RAD51AP1: variants seen among roughly 807,000 people sequenced by gnomAD.
RAD51AP1 encodes the protein RAD51-associated protein 1.
A neutral mutation model predicts 34.3 loss-of-function variants in RAD51AP1; 14 were observed. The observed-to-expected ratio is 0.41, with a 90% CI of 0.27 to 0.64. The LOEUF (loss-of-function observed/expected upper bound fraction) is 0.64, where lower values mean the gene tolerates loss of function less well. Ranked by LOEUF, RAD51AP1 falls within the 30% of genes least tolerant of loss-of-function variation. The pLI, the probability that RAD51AP1 is intolerant of heterozygous loss-of-function variation, is 0.33. For synonymous variants in RAD51AP1, 114 were observed against 129.8 expected (o/e 0.88, Z 0.83); for missense variants, 348 against 386.9 (o/e 0.90, Z 0.84).
At chr12:4,542,129 T>C (rs1049015273) in intron 2 of RAD51AP1, among the ~76,000 whole-genome samples, 196 bp downstream of exon 2, 20 of 152,212 alleles carry the variant, frequency 1.3e-4, no homozygotes, top group African/African-American at 4.1e-4. Flanking sequence ...AGGTGATAAA[T>C]GAACAGGCCA....
intron 6 of RAD51AP1, 131 bp downstream of exon 6, chr12:4,548,967 T>G (rs1295266816): frequency 2.2e-6 from 2 of 916,708 alleles, no homozygotes; most frequent in Non-Finnish European, 3.2e-6. Context: ...ACAGAACAGT[T>G]CAATTCAGTG....
At chr12:4,544,472 A>G (rs1212860083) in intron 3 of RAD51AP1, among the ~76,000 whole-genome samples, 2 of 152,180 alleles carry the variant, frequency 1.3e-5, no homozygotes, top group East Asian at 3.8e-4. Flanking sequence ...GATGGGCGGA[A>G]GGGGAATATT....
rs750656319 is a variant in RAD51AP1 at position 4,556,555 on chromosome 12, A to T, written c.871+53A>T. The T allele has an allele frequency of 2.4e-5, 38 of 1,579,922 alleles. No individual in the cohort carries two copies. The Admixed American group carries it at 7.0e-4, about 29-fold the overall frequency. The stretch of plus-strand genomic sequence containing the variant: ...GAGCTTGGAAAATTATCACTGGTAA[A>T]TTTTTTTCCTAGTTACAAACATCAT... On this transcript the variant is annotated intron_variant, in intron 8 of 8. Transcript: ENST00000352618.
chr12:4,546,894 G>A (rs1591771886), intron 4 of RAD51AP1, among the ~76,000 whole-genome samples: 1 of 152,158 alleles, frequency 6.6e-6, no homozygotes, highest in East Asian at 1.9e-4. Flanking sequence ...TGATTTTTCT[G>A]GCAATATATT....
At chr12:4,541,246 A>C (rs1944464442) in intron 1 of RAD51AP1, among the ~76,000 whole-genome samples, 1 of 152,216 alleles carries the variant, frequency 6.6e-6, no homozygotes, top group Non-Finnish European at 1.5e-5. Context: ...ATATTCCAAA[A>C]TCTGAAAAAA....
At chr12:4,557,518 A>C (rs951866323) in intron 8 of RAD51AP1, among the ~76,000 whole-genome samples, 6 of 152,222 alleles carry the variant, frequency 3.9e-5, no homozygotes, top group African/African-American at 1.4e-4. Flanking sequence ...GGAGAAGGAA[A>C]GGAGGGAAGA....
At chr12:4,553,761 T>C (rs1944563612) in intron 7 of RAD51AP1, among the ~76,000 whole-genome samples, 1 of 152,166 alleles carries the variant, frequency 6.6e-6, no homozygotes, top group African/African-American at 2.4e-5. Context: ...AGTTAGGATA[T>C]TTTTGAGTTC....
Position 4,542,572 on chromosome 12 carries a change from C to CT in RAD51AP1, c.67+654dup, listed in dbSNP as rs34064065. Among the ~76,000 whole-genome samples the CT allele has an allele frequency of 3.0e-3, 420 of 139,876 alleles. 4 individuals are homozygous for CT. Among genetic ancestry groups the CT allele is most frequent in the Middle Eastern group, 7.5e-3 (2 of 266 alleles). The allele number at this position is 139,876 out of a possible 152,430, so 91.8% of individuals were successfully genotyped here. On this transcript the variant is annotated intron_variant, in intron 2 of 8. Transcript: ENST00000352618. ...AAAGAGTGTAGAGTATAACATCTAG[C>CT]TTTTTTTTTTTTTTTGTCATCAGTC... is the stretch of plus-strand genomic sequence containing the variant.
At position 4,548,172 on chromosome 12, in the gene RAD51AP1, T is replaced by G. The variant is rs967155732; in HGVS notation, c.400T>G (p.Tyr134Asp). ...HISNCSVASD[Y>D]LDLDKITVED... ...CTCTAATTGCAGTGTAGCCAGTGATTATTTAGGTAAGTTTTTTATATTAAT... is the reference window on the plus strand; with the variant it reads ...CTCTAATTGCAGTGTAGCCAGTGATGATTTAGGTAAGTTTTTTATATTAAT... Residue 134 changes from tyrosine to aspartate, a missense_variant, in exon 5 of 9, where the codon TAT becomes GAT. Transcript: ENST00000352618. 1.3e-6 allele frequency: 2 copies of G among 1,594,002 alleles called. No individual in the cohort carries two copies. The highest frequency in any genetic ancestry group is 2.7e-5 in the African/African-American group (2 of 73,466).
intron 1 of RAD51AP1, among the ~76,000 whole-genome samples, chr12:4,540,807 A>G (rs997047233): frequency 5.9e-5 from 9 of 152,312 alleles, no homozygotes; most frequent in African/African-American, 2.2e-4. Flanking sequence ...CAGGAAGTAC[A>G]CATAAAGCAC....
chr12:4,552,940 C>A (rs2137281184), intron 6 of RAD51AP1, 43 bp from the exon 7 acceptor site: 2 of 1,488,878 alleles, frequency 1.3e-6, no homozygotes, highest in South Asian at 1.4e-5. Flanking sequence ...ACAGAATCCT[C>A]ACTTTTTAGA....
chr12:4,555,381 G>T (rs1184062624), intron 7 of RAD51AP1, among the ~76,000 whole-genome samples: 6 of 152,082 alleles, frequency 3.9e-5, no homozygotes, highest in African/African-American at 1.4e-4. Flanking sequence ...CACCTTAGCA[G>T]GCCCCCATTT....
chr12:4,553,252 T>C (rs1444680018), intron 7 of RAD51AP1, 105 bp downstream of exon 7: 4 of 1,016,684 alleles, frequency 3.9e-6, no homozygotes, highest in Non-Finnish European at 5.5e-6. Context: ...TTTCCTAACG[T>C]CCATTTCTTG....
At chr12:4,545,440 G>A (rs562260269) in intron 3 of RAD51AP1, 9 of 291,168 alleles carry the variant, frequency 3.1e-5, no homozygotes, top group Non-Finnish European at 6.0e-5. Flanking sequence ...ATGGGTATGG[G>A]GTTTCTTTTT....
In RAD51AP1 at chr12:4,559,002, C is replaced by T; in HGVS notation, c.*9C>T. 2 of 1,613,066 alleles carry T rather than the reference C, an allele frequency of 1.2e-6. No individual in the cohort carries two copies. Among genetic ancestry groups the T allele is most frequent in the Non-Finnish European group, 1.7e-6 (2 of 1,179,518 alleles). ...ATGCCACTAGCACCTGAGTGTGGTA[C>T]AGGAGGAATGTTTGGTTGGGAGAAT... is the stretch of plus-strand genomic sequence containing the variant. On this transcript the variant is annotated 3_prime_UTR_variant, in exon 9 of 9. Transcript: ENST00000352618.
chr12:4,549,846 A>G (rs978139086), intron 6 of RAD51AP1, among the ~76,000 whole-genome samples: 2 of 152,144 alleles, frequency 1.3e-5, no homozygotes, highest in African/African-American at 4.8e-5. Flanking sequence ...TGATCTAGCA[A>G]TCCACTTCTG....
chr12:4,543,215 A>G (rs1944481708), intron 2 of RAD51AP1, among the ~76,000 whole-genome samples: 1 of 152,120 alleles, frequency 6.6e-6, no homozygotes, highest in Non-Finnish European at 1.5e-5. Flanking sequence ...GTCCGCCACC[A>G]TGCCTGGCTA....
At chr12:4,539,032 G>A in intron 1 of RAD51AP1, 76 bp downstream of exon 1, 2 of 1,533,058 alleles carry the variant, frequency 1.3e-6, no homozygotes, top group Non-Finnish European at 9.0e-7. Flanking sequence ...GGAAAGGATC[G>A]AGTAAGACCG....
At position 4,556,495 on chromosome 12, in the gene RAD51AP1, C is replaced by T; in HGVS notation, c.864C>T (p.Val288=). Residue 288 remains valine, a synonymous_variant, in exon 8 of 9, where the codon GTC becomes GTT. Transcript: ENST00000352618. ...CTGAAAGCAAGAAACCTAAATGGGT[C>T]CCACCAGGTATGGCATATTTATCAT... The part of the protein sequence containing the change: ...PSAESKKPKW[V]PPAASGGSRS... 1 of 1,613,440 alleles carries T rather than the reference C, an allele frequency of 6.2e-7. No individual in the cohort carries two copies. Among genetic ancestry groups the T allele is most frequent in the Non-Finnish European group, 8.5e-7 (1 of 1,179,552 alleles).
Sources: gnomAD v4.1 joint callset for allele counts (sites outside exome capture counted in the v4.1 genomes callset) on GRCh38, gnomAD v4.1.1 for gene constraint, MANE v1.5 for transcripts, NCBI Gene and HGNC (gene_info 2026-07-23, HGNC 2026-07-21) for gene names.